The following DOCK1 variants were observed in gnomAD, a reference collection of about 807,000 sequenced individuals.
DOCK1 encodes dedicator of cytokinesis 1, also known as dedicator of cytokinesis protein 1.
A neutral mutation model predicts 262.7 loss-of-function variants in DOCK1; 138 were observed. The observed-to-expected ratio is 0.53, with a 90% CI of 0.46 to 0.61. The LOEUF (loss-of-function observed/expected upper bound fraction) is 0.61. Ranked by LOEUF, DOCK1 falls within the 20% of genes least tolerant of loss-of-function variation. The pLI is 0.00. For missense variants in DOCK1, 1,908 were observed against 2,370.7 expected, an observed-to-expected ratio of 0.80 and a Z score of 4.05; for synonymous variants, 866 against 867.4, an observed-to-expected ratio of 1.00 and a Z score of 0.03.
chr10:126,964,983 A>T (rs926606233), intron 1 of DOCK1, among the ~76,000 whole-genome samples: 3 of 152,228 alleles, frequency 2.0e-5, no homozygotes, highest in African/African-American at 7.2e-5. Context: ...AATTCAGTGC[A>T]TTTTTATTGA....
At chr10:127,428,678 G>T (rs1289042756) in intron 47 of DOCK1, among the ~76,000 whole-genome samples, 2 of 144,894 alleles carry the variant, frequency 1.4e-5, no homozygotes, top group African/African-American at 5.1e-5. Flanking sequence ...GTGGATTGGG[G>T]TACCGTGTGG....
At position 127,409,365 on chromosome 10, in the gene DOCK1, C is replaced by G; in HGVS notation, c.4317C>G (p.His1439Gln). The G allele has an allele frequency of 1.2e-6, 2 of 1,614,008 alleles. No homozygotes were observed. The highest frequency in any genetic ancestry group is 1.7e-6 in the Non-Finnish European group (2 of 1,179,892). The change falls in exon 42 of 52, where the codon CAC (histidine) becomes CAG (glutamine). Residue 1439 changes from histidine (H) to glutamine (Q), a missense_variant. By Grantham distance (24) the His-to-Gln change is conservative. This residue lies in a region of DOCK1 where 267 missense variants were observed against 366.3 expected (regional missense o/e 0.73). Coordinates refer to ENST00000623213, the MANE Select transcript of DOCK1 (RefSeq NM_001290223.2). ...KPKLDLPPKF[H>Q]RPVSEQIVSF... ...AACTCGATCTGCCTCCTAAGTTTCA[C>G]AGGCCAGTGTCAGAGCAGATTGTAA...
chr10:126,958,480 G>T (rs1320221246), intron 1 of DOCK1, among the ~76,000 whole-genome samples: 1 of 152,148 alleles, frequency 6.6e-6, no homozygotes, highest in African/African-American at 2.4e-5. Flanking sequence ...TTGGCATTTT[G>T]GCACAATGGG....
chr10:127,031,092 A>T (rs1478898797), intron 16 of DOCK1, among the ~76,000 whole-genome samples: 1 of 152,218 alleles, frequency 6.6e-6, no homozygotes, highest in Non-Finnish European at 1.5e-5. Context: ...GTCCATTGGT[A>T]ATTCACATGA....
chr10:127,409,246 T>C, intron 41 of DOCK1, 67 bp from the exon 42 acceptor site: 1 of 1,612,126 alleles, frequency 6.2e-7, no homozygotes, highest in South Asian at 1.1e-5. Flanking sequence ...TGGTTGGGTG[T>C]GGTGGGGGGC....
chr10:127,113,976 A>G (rs577212810), intron 25 of DOCK1, among the ~76,000 whole-genome samples: 2 of 152,340 alleles, frequency 1.3e-5, no homozygotes, highest in African/African-American at 4.8e-5. Flanking sequence ...CTCTCTGGGC[A>G]TCCGTGGTGC....
intron 32 of DOCK1, among the ~76,000 whole-genome samples, chr10:127,361,812 G>A (rs1050537300): frequency 1.3e-5 from 2 of 152,196 alleles, no homozygotes; most frequent in Admixed American, 1.3e-4. Context: ...TGACAGAGAA[G>A]TCATGATTAC....
At chr10:126,960,442 G>A (rs933389816) in intron 1 of DOCK1, among the ~76,000 whole-genome samples, 14 of 151,284 alleles carry the variant, frequency 9.3e-5, no homozygotes, top group African/African-American at 3.4e-4. Context: ...GCGGTATATT[G>A]TCGGGATGTG....
At chr10:127,142,319 T>G (rs980038323) in intron 27 of DOCK1, among the ~76,000 whole-genome samples, 2 of 152,108 alleles carry the variant, frequency 1.3e-5, no homozygotes, top group Non-Finnish European at 2.9e-5. Context: ...CTTTGCACAG[T>G]CCCCTTGCAA....
chr10:127,003,791 G>A (rs1383480403), intron 10 of DOCK1, among the ~76,000 whole-genome samples: 2 of 151,732 alleles, frequency 1.3e-5, no homozygotes, highest in African/African-American at 4.8e-5. Context: ...TCCTATCTAC[G>A]AAAAATAAAA....
chr10:127,409,502 T>C, intron 42 of DOCK1, 111 bp downstream of exon 42: 1 of 1,129,250 alleles, frequency 8.9e-7, no homozygotes, highest in South Asian at 1.4e-5. Context: ...GGATTCGCTT[T>C]CCAAATGCTC....
chr10:127,347,178 C>G (rs955893476), intron 31 of DOCK1, among the ~76,000 whole-genome samples: 2 of 152,246 alleles, frequency 1.3e-5, no homozygotes, highest in Admixed American at 1.3e-4. Context: ...CAGGCACATA[C>G]AGTGCCTAGA....
rs200363456 is a variant in DOCK1 at position 127,000,260 on chromosome 10, A to C, written c.938A>C (p.Asn313Thr). The C allele has an allele frequency of 2.1e-4, 338 of 1,614,016 alleles. 2 individuals carry two copies. The highest frequency in any genetic ancestry group is 1.3e-3 in the South Asian group (118 of 91,068). ...GGTCGCATGGAGCTGAGGGACAACAACACCAGGAAACTGACCTCGGGGTTG... is the reference window on the plus strand; with the variant it reads ...GGTCGCATGGAGCTGAGGGACAACACCACCAGGAAACTGACCTCGGGGTTG... ...RVGRMELRDN[N>T]TRKLTSGLRR... The change falls in exon 10 of 52, where the codon AAC (asparagine) becomes ACC (threonine). Residue 313 changes from asparagine (N) to threonine (T), a missense_variant. By Grantham distance (65) the Asn-to-Thr change is moderately conservative (BLOSUM62 0). Coordinates refer to ENST00000623213, the MANE Select transcript of DOCK1 (RefSeq NM_001290223.2).
chr10:127,392,489 A>G (rs974793059), intron 38 of DOCK1, among the ~76,000 whole-genome samples: 3 of 152,106 alleles, frequency 2.0e-5, no homozygotes, highest in African/African-American at 7.2e-5. Flanking sequence ...AACATGGAAC[A>G]GTGAGTACAG....
chr10:127,352,782 G>A (rs754064144), intron 31 of DOCK1, among the ~76,000 whole-genome samples: 2 of 152,012 alleles, frequency 1.3e-5, no homozygotes, highest in African/African-American at 2.4e-5. Flanking sequence ...TAGTGGAGAC[G>A]GGGTTTCACC....
chr10:127,322,924 C>CAATCAAT (rs745375322), intron 29 of DOCK1, among the ~76,000 whole-genome samples: 2 of 152,220 alleles, frequency 1.3e-5, no homozygotes, highest in Non-Finnish European at 2.9e-5. Flanking sequence ...TCACAGACTG[C>CAATCAAT]AATCAATAAT....
intron 27 of DOCK1, among the ~76,000 whole-genome samples, chr10:127,166,338 T>A (rs1436171802): frequency 2.6e-5 from 4 of 152,080 alleles, no homozygotes; most frequent in African/African-American, 9.7e-5. Context: ...GTGCTGGGAT[T>A]ACAGGCGTGA....
At chr10:127,213,767 G>A (rs564078534) in intron 27 of DOCK1, among the ~76,000 whole-genome samples, 17 of 152,280 alleles carry the variant, frequency 1.1e-4, no homozygotes, top group Admixed American at 3.3e-4. Context: ...GCTGTGTAGC[G>A]CACAAGGGGC....
intron 6 of DOCK1, among the ~76,000 whole-genome samples, chr10:126,994,642 G>A (rs150314829): frequency 0.044 from 6,758 of 152,296 alleles, 196 homozygotes; most frequent in Middle Eastern, 0.1. Context: ...TGGGGGTAAC[G>A]TCATAGATTA....
Sources: gnomAD v4.1 joint callset for allele counts (sites outside exome capture counted in the v4.1 genomes callset) on GRCh38, gnomAD v4.1.1 for gene constraint, gnomAD v4.1.1 regional missense constraint, MANE v1.5 for transcripts, NCBI Gene and HGNC (gene_info 2026-07-23, HGNC 2026-07-21) for gene names.